The following DISC1 variants were observed in gnomAD, a reference collection of about 807,000 sequenced individuals.
DISC1 encodes disrupted in schizophrenia 1 protein.
A neutral mutation model predicts 84.5 loss-of-function variants in DISC1; 57 were observed. The ratio of observed to expected loss-of-function variants is 0.67; its 90% CI spans 0.55 to 0.84. The LOEUF is 0.84. DISC1 is among the 40% of genes least tolerant of loss of function. The pLI is 0.00. For missense variants in DISC1, 1,000 were observed against 1,057.8 expected, an observed-to-expected ratio of 0.95 and a Z score of 0.76; for synonymous variants, 411 against 415.2, an observed-to-expected ratio of 0.99 and a Z score of 0.12.
rs2078671683 is a variant in DISC1, at chr1:231,795,300, A to C, written c.1689+4A>C. 1 of 1,611,836 alleles carries C rather than the reference A, an allele frequency of 6.2e-7. No individual in the cohort carries two copies. The highest frequency in any genetic ancestry group is 8.5e-7 in the Non-Finnish European group (1 of 1,178,092). ...ACTTAAAGAAATCACTACTAAGGTA[A>C]GTACCTTTATATTCCCATTTTCCAA... On this transcript the variant is annotated splice_donor_region_variant and intron_variant, in intron 7 of 12. Coordinates refer to ENST00000439617, the MANE Select transcript of DISC1 (RefSeq NM_018662.3).
In DISC1 at chr1:231,818,393, A is replaced by C; in HGVS notation, c.1857A>C (p.Glu619Asp). The change falls in exon 9 of 13, where the codon GAA becomes GAC. Residue 619 changes from glutamate to aspartate, a missense_variant. Around this residue, in one of 3 missense-constraint regions of DISC1, gnomAD observed 397 missense variants for 377.5 expected, o/e 1.05. Coordinates refer to ENST00000439617, the MANE Select transcript of DISC1 (RefSeq NM_018662.3). ...EEIRSLTSEREGLEGLLSKLL... is the reference protein window; with the variant it reads ...EEIRSLTSERDGLEGLLSKLL... ...TTAGATCATTAACATCAGAGAGAGA[A>C]GGGCTGGAGGGACTCCTCAGCAAGC... 1 of 1,614,144 alleles carries C rather than the reference A, an allele frequency of 6.2e-7. No individual in the cohort carries two copies. Among genetic ancestry groups the C allele is most frequent in the Non-Finnish European group, 8.5e-7 (1 of 1,179,992 alleles).
At chr1:231,786,169 A>G (rs2077843375) in intron 6 of DISC1, among the ~76,000 whole-genome samples, 1 of 152,172 alleles carries the variant, frequency 6.6e-6, no homozygotes, top group African/African-American at 2.4e-5. Context: ...TAGATTCTCT[A>G]AATATCTAAA....
chr1:231,972,076 A>G (rs183628755), intron 10 of DISC1, among the ~76,000 whole-genome samples: 1,584 of 152,148 alleles, frequency 0.01, 29 homozygotes, highest in African/African-American at 0.036. Context: ...AGCGGTAATT[A>G]CGCTGCCCGG....
At chr1:231,668,053 CAAAA>C (rs111268435) in intron 1 of DISC1, among the ~76,000 whole-genome samples, 25 of 94,692 alleles carry the variant, frequency 2.6e-4, no homozygotes, top group Non-Finnish European at 5.3e-4. Flanking sequence ...AAGACTCTGT[CAAAA>C]AAAAAAAAAA....
In DISC1 at chr1:231,630,999, C is replaced by T. The variant is rs2058664947; in HGVS notation, c.67+4065C>T. Among the ~76,000 whole-genome samples the T allele has an allele frequency of 6.6e-6, 1 of 152,192 alleles. No individual in the cohort carries two copies. The highest frequency in any genetic ancestry group is 1.5e-5 in the Non-Finnish European group (1 of 68,032). ...CTGGTCCTGTATCTGCTTCCTTTCCCTGCCCCATTTCCCCTTTGGCTTTTT... is the reference window on the plus strand; with the variant it reads ...CTGGTCCTGTATCTGCTTCCTTTCCTTGCCCCATTTCCCCTTTGGCTTTTT... On this transcript the variant is annotated intron_variant, in intron 1 of 12. Transcript: ENST00000439617. This position sits in a 1 kb window ranked among gnomAD's most constrained non-coding sequence, Gnocchi z 4.4.
rs370576831 is a variant in DISC1, at chr1:231,702,029, G to A, written c.1117+5G>A. On this transcript the variant is annotated splice_donor_5th_base_variant and intron_variant, in intron 3 of 12. Coordinates refer to ENST00000439617, the MANE Select transcript of DISC1 (RefSeq NM_018662.3). ...AGAATGATGATTATGATAAAGGTGA[G>A]TTTTAATTTGTTTATTGATTGTTTT... is the stretch of plus-strand genomic sequence containing the variant. The A allele has an allele frequency of 1.9e-6, 3 of 1,599,926 alleles. No homozygotes were observed. Among genetic ancestry groups the A allele is most frequent in the African/African-American group, 2.7e-5 (2 of 74,236 alleles).
At chr1:231,921,766 C>G (rs377045729) in intron 9 of DISC1, among the ~76,000 whole-genome samples, 1 of 150,026 alleles carries the variant, frequency 6.7e-6, no homozygotes, top group Non-Finnish European at 1.5e-5. Context: ...TAATGATTAC[C>G]ACAATCCAGC....
intron 12 of DISC1, among the ~76,000 whole-genome samples, chr1:232,029,556 A>G (rs199803657): frequency 3.7e-4 from 56 of 152,356 alleles, no homozygotes; most frequent in South Asian, 2.1e-4. Context: ...CTTGTTGTCA[A>G]CAATACAGAA....
rs191490462 is a variant in DISC1 at position 231,818,906 on chromosome 1, A to G, written c.1981+389A>G. 5.4e-5 allele frequency: 55 copies of G among 1,022,118 alleles called. No homozygotes were observed. In the African/African-American group the frequency reaches 9.1e-4, roughly 17 times the overall value. The allele number at this position is 1,022,118 out of a possible 1,614,324, so 63.3% of individuals were successfully genotyped here. On this transcript the variant is annotated intron_variant, in intron 9 of 12. Transcript: ENST00000439617. ...TCATAGACTAAATCAGGCTGATCTG[A>G]GAAAATTGAGGGAAGACCATAAAGT...
chr1:231,654,887 C>A lies in DISC1; in HGVS notation c.67+27953C>A, dbSNP rs560211001. On this transcript the variant is annotated intron_variant, in intron 1 of 12. Transcript: ENST00000439617. ...CAATGAGATGGTGACTTCCTTGAGGCCTTCAGGGTCAGATGGGAAGGCAAA... is the reference window on the plus strand; with the variant it reads ...CAATGAGATGGTGACTTCCTTGAGGACTTCAGGGTCAGATGGGAAGGCAAA... Among the ~76,000 whole-genome samples the A allele has an allele frequency of 2.0e-4, 30 of 152,284 alleles. No homozygotes were observed. The South Asian group carries it at 6.2e-3, about 32-fold the overall frequency.
rs768866821 is a variant in DISC1 at position 231,767,243 on chromosome 1, C to T, written c.1372C>T (p.Leu458Phe). The change falls in exon 5 of 13, where the codon CTT becomes TTT. Residue 458 changes from leucine (L) to phenylalanine (F), a missense_variant. By Grantham distance (22) the Leu-to-Phe change is conservative. Around this residue, in one of 3 missense-constraint regions of DISC1, gnomAD observed 311 missense variants for 400.1 expected, o/e 0.78. Transcript: ENST00000439617. ...CGTGTCCATCACGAGACGAGACTGG[C>T]TTCTTCAGGAAAAGCAGCAGCTACA... ...LHVSITRRDW[L>F]LQEKQQLQKE... 6.2e-7 allele frequency: 1 copy of T among 1,614,208 alleles called. No homozygotes were observed. The highest frequency in any genetic ancestry group is 1.1e-5 in the South Asian group (1 of 91,080).
chr1:231,767,696 A>G (rs1399580047), intron 5 of DISC1, among the ~76,000 whole-genome samples: 2 of 152,228 alleles, frequency 1.3e-5, no homozygotes, highest in Non-Finnish European at 2.9e-5. Flanking sequence ...GGGGAGTACA[A>G]AAAGGAGAGA....
chr1:231,987,795 G>A (rs1664656289), intron 10 of DISC1, among the ~76,000 whole-genome samples: 1 of 152,168 alleles, frequency 6.6e-6, no homozygotes, highest in South Asian at 2.1e-4. Flanking sequence ...TTTGTGACGT[G>A]TATGTTACCA....
chr1:231,837,397 C>T (rs554864889), intron 9 of DISC1, among the ~76,000 whole-genome samples: 6 of 152,242 alleles, frequency 3.9e-5, no homozygotes, highest in African/African-American at 1.4e-4. Context: ...TTACCAAACA[C>T]GGAACAAGCC....
At chr1:231,747,618 C>T (rs1169351489) in intron 3 of DISC1, among the ~76,000 whole-genome samples, 2 of 152,174 alleles carry the variant, frequency 1.3e-5, no homozygotes, top group East Asian at 1.9e-4. Flanking sequence ...TCCATCGGTC[C>T]GTGTATCTAA....
chr1:231,685,456 T>C (rs1363250112), intron 1 of DISC1, among the ~76,000 whole-genome samples: 2 of 152,042 alleles, frequency 1.3e-5, no homozygotes, highest in South Asian at 2.1e-4. Context: ...TTTTATCTTA[T>C]TGTATTTTTT....
In DISC1 at chr1:232,009,523, T is replaced by C. The variant is rs1054854703; in HGVS notation, c.2307+474T>C. 1.3e-6 allele frequency: 1 copy of C among 796,796 alleles called. No homozygotes were observed. Among genetic ancestry groups the C allele is most frequent in the Non-Finnish European group, 1.5e-6 (1 of 658,632 alleles). The allele number at this position is 796,796 out of a possible 1,614,324, so 49.4% of individuals were successfully genotyped here. ...TATTTGAATGAAACATTCAAATATA[T>C]GTATTTATCCCATTAATTGTTTTTA... On this transcript the variant is annotated intron_variant, in intron 11 of 12. Coordinates refer to ENST00000439617, the MANE Select transcript of DISC1 (RefSeq NM_018662.3). The surrounding 1 kb of genome is among the most constrained non-coding windows in gnomAD (Gnocchi z 4.6).
intron 3 of DISC1, among the ~76,000 whole-genome samples, chr1:231,727,160 G>C (rs1389895290): frequency 6.6e-6 from 1 of 152,108 alleles, no homozygotes; most frequent in African/African-American, 2.4e-5. Context: ...GGAATACTCA[G>C]AAACTATCAT....
chr1:231,906,818 G>C (rs1403387038), intron 9 of DISC1, among the ~76,000 whole-genome samples: 1 of 151,502 alleles, frequency 6.6e-6, no homozygotes, highest in East Asian at 1.9e-4. Flanking sequence ...AAAAAAGGAA[G>C]CACAAGAAGA....
Sources: allele counts gnomAD v4.1 joint callset (sites outside exome capture counted in the v4.1 genomes callset), GRCh38; gene constraint gnomAD v4.1.1; regional missense constraint gnomAD v4.1.1; non-coding constraint Gnocchi (gnomAD v3.1); transcripts MANE v1.5; gene names NCBI Gene and HGNC (gene_info 2026-07-23, HGNC 2026-07-21).